ANOS1: variants seen among roughly 807,000 people sequenced by gnomAD.
ANOS1 encodes the protein anosmin 1.
ANOS1 carries 6 observed loss-of-function variants against 59.0 expected under a neutral mutation model. The observed-to-expected ratio is 0.10, with a 90% CI of 0.06 to 0.20. ANOS1 has a LOEUF of 0.20. Among genes scored for constraint, ANOS1 ranks in the 10% least tolerant of loss-of-function variants. The probability of loss-of-function intolerance (pLI) is 1.00; values close to 1 mark genes in which losing one functional copy is unlikely to be tolerated. For synonymous variants in ANOS1, 217 were observed against 223.4 expected (o/e 0.97, Z 0.25); for missense variants, 433 against 542.3 (o/e 0.80, Z 2.00).
In ANOS1 at chrX:8,731,965, C is replaced by T. The variant is rs764457546; in HGVS notation, c.72G>A (p.Ala24=). The T allele has an allele frequency of 2.4e-5, 27 of 1,107,527 alleles. No homozygotes were observed. In the African/African-American group the frequency reaches 5.2e-4, roughly 21 times the overall value. The allele number at this position is 1,107,527 out of a possible 1,213,427, so 91.3% of individuals were successfully genotyped here. A position where few individuals can be genotyped will look rare whatever the true frequency, so the allele number is the denominator to read the frequency against. ...GCGCAGCAGCCGCGCCGGGGCCGGC[C>T]GCCAGGCAGCCGCTGGAGGCCGCCA... is the stretch of plus-strand genomic sequence containing the variant. The part of the protein sequence containing the change: ...LWLAASSGCL[A]AGPGAAAARR... The change falls in exon 1 of 14, where the codon GCG becomes GCA. Residue 24 remains alanine, a synonymous_variant. Transcript: ENST00000262648.
chrX:8,731,276 C>A (rs1222095794), intron 1 of ANOS1, among the ~76,000 whole-genome samples: 1 of 112,340 alleles, frequency 8.9e-6, no homozygotes, highest in African/African-American at 3.2e-5. Context: ...CGACTTGGCA[C>A]AAGTACCCTG....
intron 12 of ANOS1, 25 bp from the exon 13 acceptor site, chrX:8,534,485 TGC>T: frequency 8.3e-7 from 1 of 1,203,936 alleles, no homozygotes; most frequent in African/African-American, 1.7e-5. Context: ...TAAAAGAGCA[TGC>T]TCACCGACAA....
chrX:8,598,080 C>T lies in ANOS1; in HGVS notation c.319-824G>A, dbSNP rs776074714. On this transcript the variant is annotated intron_variant, in intron 3 of 13. Coordinates refer to ENST00000262648, the MANE Select transcript of ANOS1 (RefSeq NM_000216.4). ...GTATTGTATAGCACAGTTGTCTAAG[C>T]GTTCTAATTGAACATATTTCAATAA... is the stretch of plus-strand genomic sequence containing the variant. Among the ~76,000 whole-genome samples, 34 of 111,882 alleles carry T rather than the reference C, an allele frequency of 3.0e-4. 1 individual carries two copies. In the South Asian group the frequency reaches 7.8e-3, roughly 26 times the overall value.
chrX:8,567,589 C>G (rs1449695613), intron 8 of ANOS1, among the ~76,000 whole-genome samples: 1 of 111,536 alleles, frequency 9.0e-6, no homozygotes, highest in Non-Finnish European at 1.9e-5. Flanking sequence ...AGGTCAGGAG[C>G]TCGAGGCCAG....
intron 9 of ANOS1, among the ~76,000 whole-genome samples, chrX:8,551,496 G>A (rs1474705546): frequency 3.7e-5 from 4 of 109,158 alleles, no homozygotes; most frequent in Non-Finnish European, 7.6e-5. Flanking sequence ...AAAATTAGCC[G>A]GGCATGGCGG....
At chrX:8,731,720 G>A in intron 1 of ANOS1, 110 bp downstream of exon 1, 1 of 1,106,189 alleles carries the variant, frequency 9.0e-7, no homozygotes, top group Non-Finnish European at 1.2e-6. Flanking sequence ...AGGATCAGCC[G>A]GCGGCGCTGG....
At chrX:8,632,386 C>A (rs1293215863) in intron 2 of ANOS1, among the ~76,000 whole-genome samples, 1 of 112,330 alleles carries the variant, frequency 8.9e-6, no homozygotes, top group Non-Finnish European at 1.9e-5. Context: ...CTTAGTGAAT[C>A]TAGTTCTCTT....
intron 6 of ANOS1, among the ~76,000 whole-genome samples, chrX:8,572,778 A>C (rs1930254440): frequency 8.9e-6 from 1 of 112,002 alleles, no homozygotes; most frequent in African/African-American, 3.2e-5. Flanking sequence ...GGGACCCAGG[A>C]TTATGTATAT....
chrX:8,731,628 CTTT>C (rs1427271828), intron 1 of ANOS1, among the ~76,000 whole-genome samples, 199 bp downstream of exon 1: 1 of 112,621 alleles, frequency 8.9e-6, no homozygotes, highest in African/African-American at 3.2e-5. Flanking sequence ...TCTCGGGCTT[CTTT>C]TTCTTTTCAG....
At chrX:8,677,310 T>C (rs999057864) in intron 2 of ANOS1, among the ~76,000 whole-genome samples, 1 of 111,805 alleles carries the variant, frequency 8.9e-6, no homozygotes, top group Non-Finnish European at 1.9e-5. Flanking sequence ...CATTGCCAGA[T>C]ATCCCCTTGA....
intron 2 of ANOS1, among the ~76,000 whole-genome samples, chrX:8,679,790 G>T (rs1321968419): frequency 9.0e-6 from 1 of 111,289 alleles, no homozygotes; most frequent in Non-Finnish European, 1.9e-5. Flanking sequence ...GGGCGCGGTG[G>T]CTCACCAGTT....
intron 2 of ANOS1, among the ~76,000 whole-genome samples, chrX:8,671,501 G>A (rs1274744327): frequency 9.1e-6 from 1 of 110,006 alleles, no homozygotes; most frequent in African/African-American, 3.3e-5. Flanking sequence ...GTCTATATCT[G>A]TATGAGTAGT....
chrX:8,600,453 T>C (rs1049551592), intron 3 of ANOS1, among the ~76,000 whole-genome samples: 3 of 112,368 alleles, frequency 2.7e-5, no homozygotes, highest in African/African-American at 9.7e-5. Context: ...TTGTTAGTAA[T>C]TAATCATACA....
rs137852514 is a variant in ANOS1, at chrX:8,585,349, C to G, written c.774G>C (p.Trp258Cys). Reference sequence around the variant, plus strand: ...TCACAGCAGCCACTCGAAACTGGTACCATCGGCTGGGTCTTATGTCAGTCA... The same window carrying G: ...TCACAGCAGCCACTCGAAACTGGTAGCATCGGCTGGGTCTTATGTCAGTCA... Reference protein sequence around the residue: ...VQLTDIRPSRWYQFRVAAVNV... With the variant: ...VQLTDIRPSRCYQFRVAAVNV... The change falls in exon 6 of 14, where the codon TGG becomes TGC. Residue 258 changes from tryptophan (W) to cysteine (C), a missense_variant. Physicochemically the swap from Trp to Cys is radical, Grantham distance 215. Transcript: ENST00000262648. The G allele has an allele frequency of 2.5e-6, 3 of 1,209,446 alleles. No individual in the cohort carries two copies. Among genetic ancestry groups the G allele is most frequent in the African/African-American group, 3.5e-5 (2 of 57,197 alleles).
chrX:8,621,230 G>A (rs1931287346), intron 3 of ANOS1, among the ~76,000 whole-genome samples: 1 of 110,148 alleles, frequency 9.1e-6, no homozygotes, highest in Non-Finnish European at 1.9e-5. Flanking sequence ...ACTGAGCATG[G>A]TGGTGCACGC....
At chrX:8,678,428 A>C (rs952261401) in intron 2 of ANOS1, among the ~76,000 whole-genome samples, 1 of 112,291 alleles carries the variant, frequency 8.9e-6, no homozygotes, top group African/African-American at 3.2e-5. Context: ...ATCTGAAAGA[A>C]GCAATATTCA....
At chrX:8,566,366 T>C (rs185550433) in intron 8 of ANOS1, among the ~76,000 whole-genome samples, 1 of 111,795 alleles carries the variant, frequency 8.9e-6, no homozygotes, top group African/African-American at 3.3e-5. Flanking sequence ...TGTATGAGTA[T>C]GTATGTGTGT....
intron 3 of ANOS1, among the ~76,000 whole-genome samples, 163 bp from the exon 4 acceptor site, chrX:8,597,419 T>G (rs982758332): frequency 9.0e-6 from 1 of 111,601 alleles, no homozygotes; most frequent in Non-Finnish European, 1.9e-5. Context: ...CAAGTGACAT[T>G]TTGTGCTGAT....
chrX:8,571,889 A>C (rs762266837), intron 6 of ANOS1, among the ~76,000 whole-genome samples: 1 of 111,667 alleles, frequency 9.0e-6, no homozygotes, highest in Non-Finnish European at 1.9e-5. Context: ...ATCTAACTTG[A>C]TATACATGAA....
Sources: allele counts gnomAD v4.1 joint callset (sites outside exome capture counted in the v4.1 genomes callset), GRCh38; gene constraint gnomAD v4.1.1; transcripts MANE v1.5; gene names NCBI Gene and HGNC (gene_info 2026-07-23, HGNC 2026-07-21).